The following SLC7A1 variants were observed in gnomAD, a reference collection of about 807,000 sequenced individuals.
SLC7A1 encodes the protein high affinity cationic amino acid transporter 1.
SLC7A1 carries 10 observed loss-of-function variants against 53.9 expected under a neutral mutation model. The observed-to-expected ratio is 0.19, with a 90% CI of 0.11 to 0.31. The LOEUF is 0.31. Among genes scored for constraint, SLC7A1 ranks in the 10% least tolerant of loss-of-function variants. The probability of loss-of-function intolerance (pLI) is 1.00; values close to 1 mark genes in which losing one functional copy is unlikely to be tolerated. For missense variants in SLC7A1, 525 were observed against 827.2 expected, an observed-to-expected ratio of 0.63 and a Z score of 4.48; for synonymous variants, 342 against 338.7, an observed-to-expected ratio of 1.01 and a Z score of -0.11.
At chr13:29,551,441 C>T (rs539812679) in intron 2 of SLC7A1, among the ~76,000 whole-genome samples, 3 of 152,284 alleles carry the variant, frequency 2.0e-5, no homozygotes, top group South Asian at 2.1e-4. Context: ...GACATCATGG[C>T]GGTGCCCAGT....
At chr13:29,517,116 G>A in intron 11 of SLC7A1, 28 bp downstream of exon 11, 3 of 1,561,854 alleles carry the variant, frequency 1.9e-6, no homozygotes, top group Admixed American at 3.7e-5. Flanking sequence ...TGTGTACCAG[G>A]GTTCCTTCCC....
rs112237227 is a variant in SLC7A1, at chr13:29,519,576, G to A, written c.1190-27C>T. 6.5e-4 allele frequency: 926 copies of A among 1,420,194 alleles called. 3 individuals are homozygous for A. The African/African-American group carries it at 0.011, about 17-fold the overall frequency. 88.0% of individuals were successfully genotyped at this position (1,420,194 alleles called of 1,614,324 possible). A position where few individuals can be genotyped will look rare whatever the true frequency, so the allele number is the denominator to read the frequency against. Reference sequence around the variant, plus strand: ...TGGGAAGAGACAGACACCAGGATCTGTGGAGGGCCATCTGCATGCAATGAC... The same window carrying A: ...TGGGAAGAGACAGACACCAGGATCTATGGAGGGCCATCTGCATGCAATGAC... On this transcript the variant is annotated intron_variant, in intron 8 of 12. Transcript: ENST00000380752.
intron 1 of SLC7A1, among the ~76,000 whole-genome samples, chr13:29,577,482 T>C (rs1871456278): frequency 6.6e-6 from 1 of 152,218 alleles, no homozygotes; most frequent in African/African-American, 2.4e-5. Context: ...CAGTGTCTTC[T>C]GGGCGTGTGG....
At chr13:29,567,032 T>C (rs1042664213) in intron 1 of SLC7A1, among the ~76,000 whole-genome samples, 1 of 152,234 alleles carries the variant, frequency 6.6e-6, no homozygotes, top group African/African-American at 2.4e-5. Flanking sequence ...ATTTATTACA[T>C]GTAACCGTCA....
At chr13:29,577,399 G>A (rs1298661920) in intron 1 of SLC7A1, among the ~76,000 whole-genome samples, 1 of 152,240 alleles carries the variant, frequency 6.6e-6, no homozygotes. Context: ...TACCTCGCTG[G>A]TGAGGGGGTT....
At chr13:29,559,919 G>T (rs981506551) in intron 1 of SLC7A1, among the ~76,000 whole-genome samples, 57 of 152,114 alleles carry the variant, frequency 3.7e-4, no homozygotes, top group Non-Finnish European at 5.9e-4. Flanking sequence ...GTTTCACCGT[G>T]TTAGCCAGGA....
chr13:29,533,791 G>C (rs1031549667), intron 3 of SLC7A1, among the ~76,000 whole-genome samples: 1 of 152,190 alleles, frequency 6.6e-6, no homozygotes, highest in African/African-American at 2.4e-5. Context: ...TCTAAAGGGT[G>C]TCAGAATGTG....
chr13:29,519,354 G>A, intron 9 of SLC7A1, 93 bp downstream of exon 9: 2 of 746,014 alleles, frequency 2.7e-6, no homozygotes, highest in East Asian at 2.7e-5. Context: ...CAACCTAAAA[G>A]TTTCATTCAT....
intron 5 of SLC7A1, among the ~76,000 whole-genome samples, chr13:29,524,777 C>T (rs1379023853): frequency 2.0e-5 from 3 of 152,206 alleles, no homozygotes; most frequent in Non-Finnish European, 4.4e-5. Flanking sequence ...TCCAGGAGGG[C>T]GCAGCTTTTG....
At chr13:29,555,422 C>T (rs536464597) in intron 1 of SLC7A1, among the ~76,000 whole-genome samples, 1 of 147,338 alleles carries the variant, frequency 6.8e-6, no homozygotes, top group East Asian at 2.0e-4. Context: ...CATGATCACA[C>T]CAGTGGAACT....
chr13:29,575,513 TTAAA>T (rs1209077027), intron 1 of SLC7A1, among the ~76,000 whole-genome samples: 2 of 152,212 alleles, frequency 1.3e-5, no homozygotes, highest in Non-Finnish European at 2.9e-5. Flanking sequence ...ATTTACAAAC[TTAAA>T]TAAGAGTCTG....
At chr13:29,588,557 G>A (rs1871983570) in intron 1 of SLC7A1, among the ~76,000 whole-genome samples, 1 of 150,232 alleles carries the variant, frequency 6.7e-6, no homozygotes, top group Non-Finnish European at 1.5e-5. Context: ...AGGCTGGAGT[G>A]CAGTGGTGTG....
chr13:29,531,177 G>A (rs1869142761), intron 4 of SLC7A1, among the ~76,000 whole-genome samples: 1 of 152,178 alleles, frequency 6.6e-6, no homozygotes, highest in Non-Finnish European at 1.5e-5. Context: ...AAATTATTCT[G>A]GTTGACTTTG....
At chr13:29,521,133 A>C (rs1209108721) in intron 8 of SLC7A1, among the ~76,000 whole-genome samples, 1 of 152,234 alleles carries the variant, frequency 6.6e-6, no homozygotes, top group Non-Finnish European at 1.5e-5. Context: ...TCTGATGTAT[A>C]GTGCCTCTCA....
rs779207918 is a variant in SLC7A1, at chr13:29,522,374, C to T, written c.1132G>A (p.Val378Ile). ...ATTGGTGTTTTGGTCCTATCATTGA[C>T]GTTGGCTAAGAATTTAAATAGCAGT... ...DGLLFKFLAN[V>I]NDRTKTPIIA... Residue 378 changes from valine (V) to isoleucine (I), a missense_variant, in exon 8 of 13, where the codon GTC (valine) becomes ATC (isoleucine). Physicochemically the swap from Val to Ile is conservative, Grantham distance 29. Transcript: ENST00000380752. The T allele has an allele frequency of 5.6e-6, 9 of 1,614,048 alleles. No homozygotes were observed. The highest frequency in any genetic ancestry group is 2.7e-5 in the African/African-American group (2 of 74,912).
At chr13:29,594,297 T>A (rs967656575) in intron 1 of SLC7A1, among the ~76,000 whole-genome samples, 1 of 152,244 alleles carries the variant, frequency 6.6e-6, no homozygotes, top group African/African-American at 2.4e-5. Flanking sequence ...ACACCTGGGA[T>A]TGAAATCTCA....
At chr13:29,578,907 G>A (rs567603275) in intron 1 of SLC7A1, among the ~76,000 whole-genome samples, 2 of 152,332 alleles carry the variant, frequency 1.3e-5, no homozygotes, top group South Asian at 2.1e-4. Flanking sequence ...AAGAACTCTC[G>A]CTCTCACACA....
chr13:29,552,448 C>T (rs1870243927), intron 2 of SLC7A1, among the ~76,000 whole-genome samples: 2 of 152,310 alleles, frequency 1.3e-5, no homozygotes, highest in South Asian at 4.1e-4. Context: ...GCCCCCAAAT[C>T]TGGCCAAAAA....
chr13:29,579,917 T>C lies in SLC7A1; in HGVS notation c.-115+15499A>G, dbSNP rs374723348. Among the ~76,000 whole-genome samples, 10 of 152,306 alleles carry C rather than the reference T, an allele frequency of 6.6e-5. No individual in the cohort carries two copies. The South Asian group carries it at 2.1e-3, about 32-fold the overall frequency. On this transcript the variant is annotated intron_variant, in intron 1 of 12. Coordinates refer to ENST00000380752, the MANE Select transcript of SLC7A1 (RefSeq NM_003045.5). ...GTAACACTTCTCTACTAGAGGTCTC[T>C]GTCATCGTCCTCCTACCAGACCCAT...
Sources: allele counts gnomAD v4.1 joint callset (sites outside exome capture counted in the v4.1 genomes callset), GRCh38; gene constraint gnomAD v4.1.1; transcripts MANE v1.5; gene names NCBI Gene and HGNC (gene_info 2026-07-23, HGNC 2026-07-21).